MIPEP: variants seen among roughly 807,000 people sequenced by gnomAD.
The protein encoded by MIPEP is mitochondrial intermediate peptidase.
MIPEP carries 79 observed loss-of-function variants against 90.3 expected under a neutral mutation model. The ratio of observed to expected loss-of-function variants is 0.87; its 90% confidence interval spans 0.73 to 1.05. MIPEP has a LOEUF of 1.05. MIPEP is among the 50% of genes least tolerant of loss of function. The pLI is 0.00. For synonymous variants in MIPEP, 334 were observed against 315.8 expected (o/e 1.06, Z -0.61); for missense variants, 940 against 905.6 (o/e 1.04, Z -0.49).
chr13:23,811,418 A>G lies in MIPEP; in HGVS notation c.1654-1494T>C, dbSNP rs147397535. Among the ~76,000 whole-genome samples, 261 of 152,294 alleles carry G rather than the reference A, an allele frequency of 1.7e-3. 2 individuals are homozygous for G. Among genetic ancestry groups the G allele is most frequent in the African/African-American group, 6.1e-3 (252 of 41,566 alleles). On this transcript the variant is annotated intron_variant, in intron 14 of 18. Transcript: ENST00000382172. ...GCAGAGGCCAAGATAACTATAAGAA[A>G]AATTTGGTTTATAGTTAAACTTTGA...
intron 11 of MIPEP, among the ~76,000 whole-genome samples, chr13:23,840,997 G>A (rs1311928712): frequency 6.6e-6 from 1 of 152,092 alleles, no homozygotes; most frequent in Non-Finnish European, 1.5e-5. Context: ...ATGGATTTGG[G>A]AATTAACCAA....
Position 23,760,228 on chromosome 13 carries a change from CAG to C in MIPEP, c.1849-13_1849-12del. On this transcript the variant is annotated splice_polypyrimidine_tract_variant and intron_variant, in intron 16 of 18. Coordinates refer to ENST00000382172, the MANE Select transcript of MIPEP (RefSeq NM_005932.4). ...TCGCAGCTGCCAGGCCTGCCAAGAA[CAG>C]AGAGACACAGCACGGGACACAAGTC... is the stretch of plus-strand genomic sequence containing the variant. 7.4e-6 allele frequency: 12 copies of C among 1,613,998 alleles called. No homozygotes were observed. The highest frequency in any genetic ancestry group is 7.6e-6 in the Non-Finnish European group (9 of 1,179,962).
At chr13:23,854,624 G>T (rs942598591) in intron 10 of MIPEP, among the ~76,000 whole-genome samples, 2 of 152,086 alleles carry the variant, frequency 1.3e-5, no homozygotes, top group Non-Finnish European at 2.9e-5. Flanking sequence ...GGGTGTGGTG[G>T]CTCATGCCTG....
rs138479102 is a variant in MIPEP, at chr13:23,818,348, T to C, written c.1654-8424A>G. 8.7e-3 allele frequency among the ~76,000 whole-genome samples: 1,322 copies of C among 152,062 alleles called. 18 individuals carry two copies. The highest frequency in any genetic ancestry group is 0.031 in the African/African-American group (1,278 of 41,470). ...GGCATGAGAATCGCTGGAACGCGAA[T>C]GCGGGAGGTAGAGGATGCAGTGTGA... On this transcript the variant is annotated intron_variant, in intron 14 of 18. Transcript: ENST00000382172.
In MIPEP at chr13:23,886,415, C is replaced by A. The variant is rs185530077; in HGVS notation, c.281G>T (p.Arg94Leu). 2 of 1,608,278 alleles carry A rather than the reference C, an allele frequency of 1.2e-6. No individual in the cohort carries two copies. Among genetic ancestry groups the A allele is most frequent in the African/African-American group, 2.7e-5 (2 of 74,564 alleles). Residue 94 changes from arginine to leucine, a missense_variant, in exon 2 of 19, where the codon CGT becomes CTT. Coordinates refer to ENST00000382172, the MANE Select transcript of MIPEP (RefSeq NM_005932.4). ...GGGCCCAGGTGGGGTGGAACATGCA[C>A]GGTCCACAAGCAATTCTGTCTTTCT... is the stretch of plus-strand genomic sequence containing the variant. The part of the protein sequence containing the change: ...ALRKTELLVD[R>L]ACSTPPGPQT...
chr13:23,838,319 A>ATTT (rs577502446), intron 12 of MIPEP, among the ~76,000 whole-genome samples: 1 of 151,302 alleles, frequency 6.6e-6, no homozygotes, highest in African/African-American at 2.4e-5. Context: ...AAATTTTTAG[A>ATTT]TTTTTTTTTG....
At chr13:23,877,930 T>C (rs1871134203) in intron 4 of MIPEP, among the ~76,000 whole-genome samples, 1 of 152,240 alleles carries the variant, frequency 6.6e-6, no homozygotes, top group Non-Finnish European at 1.5e-5. Flanking sequence ...CCAGTTTATT[T>C]TCCCCAATAT....
At chr13:23,777,784 C>T (rs1425274277) in intron 16 of MIPEP, among the ~76,000 whole-genome samples, 3 of 152,152 alleles carry the variant, frequency 2.0e-5, no homozygotes, top group Non-Finnish European at 4.4e-5. Context: ...TCCACTGCAC[C>T]TAGTGTTACT....
At position 23,886,429 on chromosome 13, in the gene MIPEP, TTCTG is replaced by T. The variant is rs1277662057; in HGVS notation, c.263_266del (p.Thr88AsnfsTer18). On this transcript the variant is annotated frameshift_variant, in exon 2 of 19. Transcript: ENST00000382172. LOFTEE classifies it high-confidence loss of function. ...TGGAACATGCACGGTCCACAAGCAA[TTCTG>T]TCTTTCTCAAGGCTTTTTCTTGTGC... 5.0e-6 allele frequency: 8 copies of T among 1,608,122 alleles called. No individual in the cohort carries two copies. The highest frequency in any genetic ancestry group is 1.7e-5 in the Admixed American group (1 of 59,334).
intron 16 of MIPEP, among the ~76,000 whole-genome samples, chr13:23,768,849 T>A (rs1952619784): frequency 6.6e-6 from 1 of 152,224 alleles, no homozygotes; most frequent in African/African-American, 2.4e-5. Context: ...CGACTGTTAA[T>A]GTAATTTATA....
At chr13:23,748,279 T>C (rs771868771) in intron 18 of MIPEP, among the ~76,000 whole-genome samples, 1 of 152,212 alleles carries the variant, frequency 6.6e-6, no homozygotes, top group Admixed American at 6.5e-5. Flanking sequence ...TATTCACTCA[T>C]TGCACAAATA....
intron 14 of MIPEP, among the ~76,000 whole-genome samples, chr13:23,827,841 G>C (rs1868537269): frequency 6.6e-6 from 1 of 152,174 alleles, no homozygotes; most frequent in Non-Finnish European, 1.5e-5. Flanking sequence ...TGAGGCGGGA[G>C]AATCACTTGA....
At chr13:23,775,722 A>C (rs1952708247) in intron 16 of MIPEP, among the ~76,000 whole-genome samples, 1 of 152,248 alleles carries the variant, frequency 6.6e-6, no homozygotes, top group South Asian at 2.1e-4. Context: ...AAACAAAAAC[A>C]AAAACCAAAC....
intron 2 of MIPEP, among the ~76,000 whole-genome samples, chr13:23,885,289 G>A (rs1316642513): frequency 6.6e-6 from 1 of 152,220 alleles, no homozygotes; most frequent in Non-Finnish European, 1.5e-5. Flanking sequence ...GGTTACCAGA[G>A]GCTAGGTAGG....
intron 16 of MIPEP, among the ~76,000 whole-genome samples, chr13:23,783,759 G>C (rs886201720): frequency 2.6e-5 from 4 of 152,238 alleles, no homozygotes; most frequent in Admixed American, 1.3e-4. Context: ...AAAGTCTCAG[G>C]ATACAAAATC....
chr13:23,752,718 C>T (rs1952454246), intron 18 of MIPEP, among the ~76,000 whole-genome samples: 1 of 152,074 alleles, frequency 6.6e-6, no homozygotes, highest in African/African-American at 2.4e-5. Context: ...GATGTCTCAG[C>T]AATTAAGAAA....
At chr13:23,777,625 AGTT>A (rs2137356034) in intron 16 of MIPEP, among the ~76,000 whole-genome samples, 1 of 152,340 alleles carries the variant, frequency 6.6e-6, no homozygotes, top group Non-Finnish European at 1.5e-5. Flanking sequence ...TGAGATAAGA[AGTT>A]ATTAAAAAAT....
chr13:23,746,287 T>C (rs188458082), intron 18 of MIPEP, among the ~76,000 whole-genome samples: 8 of 151,782 alleles, frequency 5.3e-5, no homozygotes, highest in Admixed American at 5.2e-4. Context: ...GTGCTGGGAT[T>C]ATAGGCATGA....
chr13:23,760,390 T>C, intron 16 of MIPEP, 173 bp from the exon 17 acceptor site: 11 of 841,742 alleles, frequency 1.3e-5, no homozygotes, highest in Non-Finnish European at 2.2e-5. Context: ...TATACACTGT[T>C]AGGGCTGAAC....
Sources: gnomAD v4.1 joint callset for allele counts (sites outside exome capture counted in the v4.1 genomes callset) on GRCh38, gnomAD v4.1.1 for gene constraint, MANE v1.5 for transcripts, NCBI Gene and HGNC (gene_info 2026-07-23, HGNC 2026-07-21) for gene names.